Variants in NCOA1 observed in about 807,000 individuals in gnomAD.
NCOA1 encodes nuclear receptor coactivator 1.
A neutral mutation model predicts 150.9 loss-of-function variants in NCOA1; 35 were observed. The observed-to-expected ratio is 0.23, with a 90% CI of 0.18 to 0.31. The LOEUF is 0.31. Ranked by LOEUF, NCOA1 falls within the 10% of genes least tolerant of loss-of-function variation. The pLI is 1.00. For missense variants in NCOA1, 1,491 were observed against 1,749.3 expected, an observed-to-expected ratio of 0.85 and a Z score of 2.63; for synonymous variants, 590 against 630.0, an observed-to-expected ratio of 0.94 and a Z score of 0.95.
chr2:24,569,511 CTG>C (rs1373026328), intron 2 of NCOA1, among the ~76,000 whole-genome samples: 4 of 144,872 alleles, frequency 2.8e-5, no homozygotes, highest in Non-Finnish European at 6.0e-5. Context: ...AATTCAACCT[CTG>C]AGAGTTTGAC....
intron 1 of NCOA1, among the ~76,000 whole-genome samples, chr2:24,553,430 G>C (rs1341208580): frequency 6.6e-6 from 1 of 152,096 alleles, no homozygotes; most frequent in Non-Finnish European, 1.5e-5. Flanking sequence ...TGTTGGCCAG[G>C]CTGGTCCCAA....
intron 8 of NCOA1, among the ~76,000 whole-genome samples, chr2:24,685,619 ACT>A (rs1672363799): frequency 6.6e-6 from 1 of 152,158 alleles, no homozygotes; most frequent in African/African-American, 2.4e-5. Flanking sequence ...GCTGTGTCTG[ACT>A]CTGCTACTTA....
intron 3 of NCOA1, among the ~76,000 whole-genome samples, chr2:24,627,078 A>G (rs1489213458): frequency 6.6e-6 from 1 of 151,708 alleles, no homozygotes; most frequent in Non-Finnish European, 1.5e-5. Flanking sequence ...TTGATTTTAA[A>G]ATTCCTTACT....
At chr2:24,665,625 A>G in intron 5 of NCOA1, 124 bp from the exon 6 acceptor site, 5 of 818,148 alleles carry the variant, frequency 6.1e-6, no homozygotes, top group Non-Finnish European at 3.4e-6. Flanking sequence ...ATCACTTTCT[A>G]AATCTGGTTT....
At chr2:24,724,694 G>A (rs1015214797) in intron 14 of NCOA1, among the ~76,000 whole-genome samples, 5 of 151,748 alleles carry the variant, frequency 3.3e-5, no homozygotes, top group Admixed American at 6.6e-5. Flanking sequence ...AAACTATCTT[G>A]CAAAACTTAG....
chr2:24,599,342 G>C (rs1296435842), intron 3 of NCOA1, among the ~76,000 whole-genome samples: 1 of 152,072 alleles, frequency 6.6e-6, no homozygotes, highest in African/African-American at 2.4e-5. Context: ...GGGGAAACTG[G>C]CATACTTTTA....
intron 1 of NCOA1, among the ~76,000 whole-genome samples, chr2:24,542,651 G>T (rs1216572985): frequency 1.3e-5 from 2 of 152,186 alleles, no homozygotes; most frequent in African/African-American, 4.8e-5. Flanking sequence ...TGTTGTAGGT[G>T]ATGTTGGTCT....
At chr2:24,566,030 C>T (rs577716376) in intron 2 of NCOA1, among the ~76,000 whole-genome samples, 4 of 152,274 alleles carry the variant, frequency 2.6e-5, no homozygotes, top group South Asian at 4.1e-4. Context: ...TCACCCACAA[C>T]GTGGCAAGCA....
rs1186757387 is a variant in NCOA1 at position 24,758,079 on chromosome 2, A to G, written c.3988A>G (p.Asn1330Asp). The change falls in exon 21 of 23, where the codon AAC (asparagine) becomes GAC (aspartate). Residue 1330 changes from asparagine (N) to aspartate (D), a missense_variant. Asn to Asp is a conservative substitution (Grantham distance 23). Transcript: ENST00000348332. ...SMAGGNTNVQ[N>D]MNPMMAQMQM... ...GGCAGGTGGAAATACGAATGTTCAG[A>G]ACATGAACCCAATGATGGCCCAGAT... The G allele has an allele frequency of 6.2e-7, 1 of 1,614,046 alleles. No individual in the cohort carries two copies. Among genetic ancestry groups the G allele is most frequent in the African/African-American group, 1.3e-5 (1 of 74,924 alleles).
chr2:24,505,487 C>T (rs1254138651), intron 1 of NCOA1, among the ~76,000 whole-genome samples: 2 of 152,084 alleles, frequency 1.3e-5, no homozygotes, highest in Non-Finnish European at 2.9e-5. Context: ...CTATTTTTTC[C>T]TTTTTAAAAT....
chr2:24,586,288 A>G (rs1199556751), intron 3 of NCOA1, among the ~76,000 whole-genome samples: 1 of 150,822 alleles, frequency 6.6e-6, no homozygotes, highest in Non-Finnish European at 1.5e-5. Flanking sequence ...AAAAAAAAAA[A>G]AAAAAAAAAA....
chr2:24,597,786 TTTA>T (rs1667941013), intron 3 of NCOA1, among the ~76,000 whole-genome samples: 1 of 152,204 alleles, frequency 6.6e-6, no homozygotes, highest in African/African-American at 2.4e-5. Flanking sequence ...TCTCTTTTTT[TTTA>T]TTATTATACT....
chr2:24,664,462 A>C (rs773337928), intron 5 of NCOA1, among the ~76,000 whole-genome samples: 1 of 152,086 alleles, frequency 6.6e-6, no homozygotes, highest in Non-Finnish European at 1.5e-5. Flanking sequence ...TATAATCCCA[A>C]CACTTTGGGA....
chr2:24,648,253 G>A (rs986244402), intron 4 of NCOA1, among the ~76,000 whole-genome samples: 1 of 151,392 alleles, frequency 6.6e-6, no homozygotes, highest in African/African-American at 2.4e-5. Flanking sequence ...TATAAATGTG[G>A]TCAGTGAAGA....
intron 5 of NCOA1, among the ~76,000 whole-genome samples, chr2:24,661,618 G>T (rs1671187562): frequency 6.6e-6 from 1 of 152,066 alleles, no homozygotes; most frequent in African/African-American, 2.4e-5. Context: ...TAATTAATCT[G>T]AAATTTATTT....
intron 3 of NCOA1, among the ~76,000 whole-genome samples, chr2:24,589,684 T>G (rs1255262508): frequency 1.3e-5 from 2 of 152,016 alleles, no homozygotes; most frequent in African/African-American, 2.4e-5. Flanking sequence ...TGTGTGTGTT[T>G]GTGCGCACAC....
chr2:24,654,527 C>G (rs1438203265), intron 4 of NCOA1, among the ~76,000 whole-genome samples: 2 of 152,104 alleles, frequency 1.3e-5, no homozygotes, highest in Non-Finnish European at 2.9e-5. Context: ...TACCAAATTA[C>G]TAAGATGAGA....
intron 14 of NCOA1, among the ~76,000 whole-genome samples, chr2:24,725,169 T>TA (rs1249918124): frequency 6.6e-6 from 1 of 152,196 alleles, no homozygotes; most frequent in Non-Finnish European, 1.5e-5. Flanking sequence ...TAAATCTACT[T>TA]ATTCTTCATT....
chr2:24,529,634 G>T (rs925588141), intron 1 of NCOA1, among the ~76,000 whole-genome samples: 1 of 152,186 alleles, frequency 6.6e-6, no homozygotes, highest in Non-Finnish European at 1.5e-5. Context: ...ATAGCTCCTG[G>T]TCTGGGGCAG....
Sources: gnomAD v4.1 joint callset for allele counts (sites outside exome capture counted in the v4.1 genomes callset) on GRCh38, gnomAD v4.1.1 for gene constraint, MANE v1.5 for transcripts, NCBI Gene and HGNC (gene_info 2026-07-23, HGNC 2026-07-21) for gene names.